The following DAAM2 variants were observed in gnomAD, a reference collection of about 807,000 sequenced individuals.
DAAM2 encodes disheveled-associated activator of morphogenesis 2.
A neutral mutation model predicts 120.7 loss-of-function variants in DAAM2; 39 were observed. The observed-to-expected ratio is 0.32, with a 90% CI of 0.25 to 0.42. The LOEUF is 0.42. Among genes scored for constraint, DAAM2 ranks in the 10% least tolerant of loss-of-function variants. The pLI is 1.00. For synonymous variants in DAAM2, 488 were observed against 524.9 expected, an observed-to-expected ratio of 0.93 and a Z score of 0.96; for missense variants, 1,283 against 1,401.7, an observed-to-expected ratio of 0.92 and a Z score of 1.35.
chr6:39,857,581 G>A (rs1215453900), intron 2 of DAAM2, among the ~76,000 whole-genome samples: 2 of 152,184 alleles, frequency 1.3e-5, no homozygotes, highest in African/African-American at 4.8e-5. Context: ...CCTGATTAGT[G>A]TTAGGGATAT....
At chr6:39,857,549 T>C (rs557685187) in intron 2 of DAAM2, among the ~76,000 whole-genome samples, 1 of 152,352 alleles carries the variant, frequency 6.6e-6, no homozygotes, top group African/African-American at 2.4e-5. Context: ...AAGCGTTTGC[T>C]AGTGTAGAAT....
intron 2 of DAAM2, among the ~76,000 whole-genome samples, chr6:39,856,912 C>T (rs186505213): frequency 1.3e-5 from 2 of 152,280 alleles, no homozygotes; most frequent in African/African-American, 2.4e-5. Flanking sequence ...CTGGGCACCT[C>T]GGAACAGGGG....
At chr6:39,846,463 G>A (rs868466681) in intron 1 of DAAM2, among the ~76,000 whole-genome samples, 30 of 152,106 alleles carry the variant, frequency 2.0e-4, no homozygotes, top group African/African-American at 6.8e-4. Flanking sequence ...ATGTTCTCTT[G>A]CCCAAGGTGT....
intron 1 of DAAM2, chr6:39,819,231 T>A (rs1020345893): frequency 1.3e-5 from 2 of 152,146 alleles, no homozygotes; most frequent in Non-Finnish European, 2.9e-5. Context: ...GGATGTTAGG[T>A]TGGAGCACAG....
chr6:39,849,185 TG>T (rs1295329846), intron 1 of DAAM2, among the ~76,000 whole-genome samples: 1 of 152,228 alleles, frequency 6.6e-6, no homozygotes, highest in Non-Finnish European at 1.5e-5. Context: ...TTTGGCTTTG[TG>T]GGCCATACGG....
rs535079778 is a variant in DAAM2 at position 39,792,418 on chromosome 6, G to T, written c.-104G>T. 1 of 152,186 alleles carries T rather than the reference G, an allele frequency of 6.6e-6. No individual in the cohort carries two copies. The highest frequency in any genetic ancestry group is 2.4e-5 in the African/African-American group (1 of 41,450). The allele number at this position is 152,186 out of a possible 1,614,324, so 9.4% of individuals were successfully genotyped here. A position where few individuals can be genotyped will look rare whatever the true frequency, so the allele number is the denominator to read the frequency against. On this transcript the variant is annotated 5_prime_UTR_variant, in exon 1 of 25. Coordinates refer to ENST00000274867, the MANE Select transcript of DAAM2 (RefSeq NM_001201427.2). ...AGCAGCGAGCGGAGCGCGGGCGGCG[G>T]CGCCGTACCTCGGGCTGCGGGAGCG...
At chr6:39,831,233 A>T (rs1470654169) in intron 1 of DAAM2, among the ~76,000 whole-genome samples, 1 of 152,146 alleles carries the variant, frequency 6.6e-6, no homozygotes, top group East Asian at 1.9e-4. Context: ...AATACATGGG[A>T]TGTATAGTCT....
chr6:39,797,876 C>G (rs1761747056), intron 1 of DAAM2, among the ~76,000 whole-genome samples: 1 of 152,190 alleles, frequency 6.6e-6, no homozygotes, highest in Non-Finnish European at 1.5e-5. Context: ...AACAAATGAA[C>G]AAGATACCAT....
rs146966805 is a variant in DAAM2 at position 39,896,910 on chromosome 6, C to T, written c.2440C>T (p.Arg814Cys). Residue 814 changes from arginine (R) to cysteine (C), a missense_variant, in exon 20 of 25, where the codon CGT (arginine) becomes TGT (cysteine). Transcript: ENST00000274867. Reference sequence around the variant, plus strand: ...AGGCAACTTCATGAACAAAGGGCAGCGTGGGGGCGCCTACGGGTTCCGGGT... The same window carrying T: ...AGGCAACTTCATGAACAAAGGGCAGTGTGGGGGCGCCTACGGGTTCCGGGT... ...AIGNFMNKGQ[R>C]GGAYGFRVAS... 495 of 1,613,722 alleles carry T rather than the reference C, an allele frequency of 3.1e-4. No homozygotes were observed. The highest frequency in any genetic ancestry group is 3.6e-4 in the Non-Finnish European group (424 of 1,179,782).
At position 39,868,893 on chromosome 6, in the gene DAAM2, T is replaced by C. The variant is rs1764536285; in HGVS notation, c.833T>C (p.Met278Thr). Residue 278 changes from methionine (M) to threonine (T), a missense_variant, in exon 7 of 25, where the codon ATG (methionine) becomes ACG (threonine). Physicochemically the swap from Met to Thr is moderately conservative, Grantham distance 81. Transcript: ENST00000274867. ...GAAGTGAATCTGAAAACAGCCATCA[T>C]GTCCTTCATCAATGCTGTCCTCAAT... The part of the protein sequence containing the change: ...RDEVNLKTAI[M>T]SFINAVLNAG... 6.3e-7 allele frequency: 1 copy of C among 1,587,586 alleles called. No homozygotes were observed. Among genetic ancestry groups the C allele is most frequent in the East Asian group, 2.3e-5 (1 of 43,552 alleles).
At chr6:39,871,365 CTTCT>C in intron 8 of DAAM2, 137 bp from the exon 9 acceptor site, 1 of 763,894 alleles carries the variant, frequency 1.3e-6, no homozygotes. Context: ...CAAACAGCGG[CTTCT>C]TTCCCATTTT....
chr6:39,842,955 A>C (rs1412963521), intron 1 of DAAM2, among the ~76,000 whole-genome samples: 1 of 152,126 alleles, frequency 6.6e-6, no homozygotes, highest in African/African-American at 2.4e-5. Context: ...TCCTGCTTTT[A>C]TTATTTAATT....
chr6:39,798,892 C>T (rs780566213), intron 1 of DAAM2, among the ~76,000 whole-genome samples: 4 of 152,122 alleles, frequency 2.6e-5, no homozygotes, highest in East Asian at 1.9e-4. Flanking sequence ...ATTGCATTAC[C>T]GTCGAGGAAG....
rs1050317185 is a variant in DAAM2 at position 39,792,430 on chromosome 6, G to A, written c.-92G>A. On this transcript the variant is annotated 5_prime_UTR_variant, in exon 1 of 25. Transcript: ENST00000274867. ...AGCGCGGGCGGCGGCGCCGTACCTC[G>A]GGCTGCGGGAGCGCGGGCGCCCTGG... 6.6e-6 allele frequency: 1 copy of A among 152,124 alleles called. No homozygotes were observed. The allele number at this position is 152,124 out of a possible 1,614,324, so 9.4% of individuals were successfully genotyped here.
intron 1 of DAAM2, among the ~76,000 whole-genome samples, chr6:39,843,569 C>A (rs72857137): frequency 4.6e-5 from 7 of 152,164 alleles, no homozygotes; most frequent in African/African-American, 7.2e-5. Context: ...ATTTGCGGGC[C>A]CAGCACAAAA....
At chr6:39,826,189 TGG>T (rs1309891275) in intron 1 of DAAM2, among the ~76,000 whole-genome samples, 1 of 152,124 alleles carries the variant, frequency 6.6e-6, no homozygotes, top group Non-Finnish European at 1.5e-5. Flanking sequence ...AGAAGAGCCC[TGG>T]GGAAGAAGCG....
At chr6:39,850,364 A>C (rs575039605) in intron 1 of DAAM2, among the ~76,000 whole-genome samples, 1 of 150,054 alleles carries the variant, frequency 6.7e-6, no homozygotes, top group Non-Finnish European at 1.5e-5. Flanking sequence ...TTTACCCCCC[A>C]CCTCCCAGGC....
intron 1 of DAAM2, among the ~76,000 whole-genome samples, chr6:39,834,577 A>C (rs1000939502): frequency 6.6e-6 from 1 of 152,200 alleles, no homozygotes; most frequent in Admixed American, 6.5e-5. Flanking sequence ...CTCTGGCTTC[A>C]CTTGCACTGG....
At chr6:39,898,629 T>C (rs879302950) in intron 21 of DAAM2, among the ~76,000 whole-genome samples, 2 of 152,252 alleles carry the variant, frequency 1.3e-5, no homozygotes, top group African/African-American at 2.4e-5. Context: ...TATTGCAGCA[T>C]GACATTTCTG....
Sources: gnomAD v4.1 joint callset for allele counts (sites outside exome capture counted in the v4.1 genomes callset) on GRCh38, gnomAD v4.1.1 for gene constraint, MANE v1.5 for transcripts, NCBI Gene and HGNC (gene_info 2026-07-23, HGNC 2026-07-21) for gene names.